Variants in CEP89 observed in about 807,000 individuals in gnomAD.
CEP89 encodes centrosomal protein 89, also known as centrosomal protein of 89 kDa.
CEP89 carries 95 observed loss-of-function variants against 97.6 expected under a neutral mutation model. That is an observed-to-expected ratio of 0.97 (90% CI 0.82 to 1.15). The LOEUF (loss-of-function observed/expected upper bound fraction) is 1.15, where lower values mean the gene tolerates loss of function less well. Among genes scored for constraint, CEP89 ranks in the 50% most tolerant of loss-of-function variants. The pLI is 0.00. For synonymous variants in CEP89, 354 were observed against 349.1 expected (o/e 1.01, Z -0.16); for missense variants, 869 against 947.7 (o/e 0.92, Z 1.09).
At chr19:32,942,421 A>T (rs543739079) in intron 5 of CEP89, among the ~76,000 whole-genome samples, 3 of 152,326 alleles carry the variant, frequency 2.0e-5, no homozygotes, top group African/African-American at 7.2e-5. Flanking sequence ...AAGTGGGGAG[A>T]TGCATAGGTG....
intron 16 of CEP89, among the ~76,000 whole-genome samples, chr19:32,892,397 G>A (rs1029006986): frequency 4.0e-5 from 6 of 151,042 alleles, no homozygotes; most frequent in Non-Finnish European, 8.8e-5. Context: ...TCTGCCTCCT[G>A]GGTTCAAGCA....
chr19:32,931,721 T>C, intron 8 of CEP89, 150 bp from the exon 9 acceptor site: 1 of 553,714 alleles, frequency 1.8e-6, no homozygotes. Flanking sequence ...TGTATGTGTG[T>C]CTGTGTGTGT....
At chr19:32,947,304 T>A (rs1970816932) in intron 5 of CEP89, among the ~76,000 whole-genome samples, 1 of 152,056 alleles carries the variant, frequency 6.6e-6, no homozygotes, top group East Asian at 1.9e-4. Flanking sequence ...ACCCAACAGA[T>A]CTTTCCTAGT....
intron 3 of CEP89, among the ~76,000 whole-genome samples, chr19:32,954,986 T>C (rs1971017029): frequency 6.7e-6 from 1 of 150,316 alleles, no homozygotes; most frequent in Admixed American, 6.6e-5. Context: ...TTAATAAGTA[T>C]TTTTATTTTT....
At chr19:32,916,203 A>T (rs1011998335) in intron 13 of CEP89, among the ~76,000 whole-genome samples, 5 of 151,970 alleles carry the variant, frequency 3.3e-5, no homozygotes, top group Admixed American at 6.6e-5. Context: ...GCTTGAGCCC[A>T]GAAGTTCAGG....
intron 16 of CEP89, among the ~76,000 whole-genome samples, chr19:32,888,683 A>G (rs1251895925): frequency 1.4e-5 from 2 of 141,140 alleles, no homozygotes; most frequent in South Asian, 4.3e-4. Flanking sequence ...ATTCTGTCTC[A>G]AAAAAAAAAA....
rs1269123794 is a variant in CEP89 at position 32,936,724 on chromosome 19, C to T, written c.667+907G>A. On this transcript the variant is annotated intron_variant, in intron 7 of 18. Transcript: ENST00000305768. This position sits in a 1 kb window ranked among gnomAD's most constrained non-coding sequence, Gnocchi z 4.5. ...GAGGACCAGCAGCAGAGAGGAGCAACCCACTCCAGGGCCTCCTCTCTACTA... is the reference window on the plus strand; with the variant it reads ...GAGGACCAGCAGCAGAGAGGAGCAATCCACTCCAGGGCCTCCTCTCTACTA... Among the ~76,000 whole-genome samples the T allele has an allele frequency of 3.3e-5, 5 of 152,108 alleles. No homozygotes were observed. Among genetic ancestry groups the T allele is most frequent in the Non-Finnish European group, 5.9e-5 (4 of 68,020 alleles).
intron 3 of CEP89, among the ~76,000 whole-genome samples, chr19:32,954,119 C>T (rs971918793): frequency 4.3e-4 from 66 of 151,918 alleles, no homozygotes; most frequent in African/African-American, 1.4e-3. Flanking sequence ...GTGATCCGCC[C>T]GCCTCGGCCT....
At chr19:32,928,222 C>G (rs962371065) in intron 9 of CEP89, among the ~76,000 whole-genome samples, 2 of 151,982 alleles carry the variant, frequency 1.3e-5, no homozygotes, top group African/African-American at 4.8e-5. Flanking sequence ...GGCCTCCAGC[C>G]CTTTTTAGTC....
At chr19:32,897,169 C>G (rs182336656) in intron 16 of CEP89, among the ~76,000 whole-genome samples, 1 of 152,162 alleles carries the variant, frequency 6.6e-6, no homozygotes, top group Non-Finnish European at 1.5e-5. Context: ...AGTTTGGGAT[C>G]GCTAATAGGA....
chr19:32,960,087 G>C, intron 2 of CEP89, 29 bp from the exon 3 acceptor site: 1 of 1,612,842 alleles, frequency 6.2e-7, no homozygotes, highest in Non-Finnish European at 8.5e-7. Flanking sequence ...CATGGAGACA[G>C]TGAGACATGA....
At chr19:32,891,809 AAG>A (rs1245897524) in intron 16 of CEP89, among the ~76,000 whole-genome samples, 9 of 145,976 alleles carry the variant, frequency 6.2e-5, no homozygotes, top group South Asian at 2.1e-4. Flanking sequence ...AGTGAGATGA[AAG>A]AGAGAGAGAG....
intron 14 of CEP89, among the ~76,000 whole-genome samples, chr19:32,910,264 T>TGA (rs1555790008): frequency 9.8e-5 from 8 of 81,246 alleles, no homozygotes; most frequent in Admixed American, 4.3e-4. Context: ...AGACTCTGCC[T>TGA]CAGAGAGAGA....
intron 14 of CEP89, among the ~76,000 whole-genome samples, chr19:32,905,491 A>ATTTT (rs71176166): frequency 8.0e-5 from 12 of 150,496 alleles, no homozygotes; most frequent in Non-Finnish European, 1.2e-4. Context: ...TCAAAGGAAG[A>ATTTT]TTTTTTTTTT....
intron 16 of CEP89, among the ~76,000 whole-genome samples, chr19:32,891,410 C>A (rs959494639): frequency 2.6e-5 from 4 of 152,166 alleles, no homozygotes; most frequent in Non-Finnish European, 4.4e-5. Flanking sequence ...GTGACTGTTA[C>A]ACTTGATTTG....
rs1568582533 is a variant in CEP89 at position 32,959,986 on chromosome 19, C to G, written c.219G>C (p.Gln73His). ...TCACATCACTCTCAGACCGGGACCT[C>G]TGGCGAGGCTGAGGAATAGCAACCG... is the stretch of plus-strand genomic sequence containing the variant. ...GRTVAIPQPR[Q>H]RSRSESDVSS... is the part of the protein sequence containing the mutation. Residue 73 changes from glutamine (Q) to histidine (H), a missense_variant, in exon 3 of 19, where the codon CAG becomes CAC. Transcript: ENST00000305768. 4 of 1,614,214 alleles carry G rather than the reference C, an allele frequency of 2.5e-6. No homozygotes were observed. The Admixed American group carries it at 6.7e-5, about 27-fold the overall frequency.
intron 14 of CEP89, among the ~76,000 whole-genome samples, chr19:32,902,147 T>C (rs11880965): frequency 0.3 from 46,155 of 151,542 alleles, 7,375 homozygotes; most frequent in Admixed American, 0.4. Flanking sequence ...GCTAAAACAA[T>C]TTTTCCATAA....
chr19:32,891,354 AACACAC>A (rs148821540), intron 16 of CEP89, among the ~76,000 whole-genome samples: 4 of 150,996 alleles, frequency 2.6e-5, no homozygotes, highest in Non-Finnish European at 4.4e-5. Context: ...CACACACACA[AACACAC>A]ACACACACAC....
At position 32,881,926 on chromosome 19, in the gene CEP89, G is replaced by A; in HGVS notation, c.2053C>T (p.Gln685Ter). 1.2e-6 allele frequency: 2 copies of A among 1,604,090 alleles called. No individual in the cohort carries two copies. The highest frequency in any genetic ancestry group is 1.7e-6 in the Non-Finnish European group (2 of 1,176,516). ...AGGTGCCGCATCTCCTGCCGGTACT[G>A]GGCTGTCTTGCCGGCGAAGTCCTCC... ...QQEDFAGKTA[Q>*]YRQEMRHLHQ... is the part of the protein sequence containing the mutation. Residue 685 changes from glutamine (Q) to a stop codon, truncating the protein, a stop_gained, in exon 18 of 19, where the codon CAG (glutamine) becomes TAG (stop). Transcript: ENST00000305768. LOFTEE classifies it high-confidence loss of function.
Sources: allele counts gnomAD v4.1 joint callset (sites outside exome capture counted in the v4.1 genomes callset), GRCh38; gene constraint gnomAD v4.1.1; non-coding constraint Gnocchi (gnomAD v3.1); transcripts MANE v1.5; gene names NCBI Gene and HGNC (gene_info 2026-07-23, HGNC 2026-07-21).